Variants in PCTP observed in about 807,000 individuals in gnomAD.
The protein encoded by PCTP is phosphatidylcholine transfer protein.
Under a neutral mutation model 31.0 loss-of-function variants are expected in PCTP, and 27 were observed. That is an observed-to-expected ratio of 0.87 (90% CI 0.64 to 1.20). PCTP has a LOEUF of 1.20. Ranked by LOEUF, PCTP falls within the 50% of genes most tolerant of loss-of-function variation. The pLI is 0.00. For missense variants in PCTP, 287 were observed against 268.2 expected (o/e 1.07, Z -0.49); for synonymous variants, 108 against 101.2 (o/e 1.07, Z -0.40).
intron 5 of PCTP, among the ~76,000 whole-genome samples, chr17:55,838,261 A>G (rs946917641): frequency 6.6e-6 from 1 of 152,180 alleles, no homozygotes; most frequent in African/African-American, 2.4e-5. Context: ...TGCAAGCCCT[A>G]TTCAGTGCCT....
the PCTP span, among the ~76,000 whole-genome samples, chr17:55,851,134 T>C: frequency 6.6e-6 from 1 of 152,218 alleles, no homozygotes; most frequent in Non-Finnish European, 1.5e-5. Flanking sequence ...GAAGGAGCTC[T>C]GGCCATTGAT....
At position 55,776,240 on chromosome 17, in the gene PCTP, C is replaced by T; in HGVS notation, c.*140C>T. On this transcript the variant is annotated 3_prime_UTR_variant, in exon 6 of 6. Transcript: ENST00000268896. Reference sequence around the variant, plus strand: ...CCCACCACTGTTCAGCCTTCCCCTGCTGTTTCTGTCTTCAGAGGCCTACAC... The same window carrying T: ...CCCACCACTGTTCAGCCTTCCCCTGTTGTTTCTGTCTTCAGAGGCCTACAC... The T allele has an allele frequency of 6.9e-7, 1 of 1,456,120 alleles. No individual in the cohort carries two copies. Among genetic ancestry groups the T allele is most frequent in the Non-Finnish European group, 9.0e-7 (1 of 1,105,134 alleles). 90.2% of individuals were successfully genotyped at this position (1,456,120 alleles called of 1,614,324 possible). A position where few individuals can be genotyped will look rare whatever the true frequency, so the allele number is the denominator to read the frequency against.
At chr17:55,812,313 A>T (rs562997931) in intron 3 of PCTP, among the ~76,000 whole-genome samples, 1 of 152,322 alleles carries the variant, frequency 6.6e-6, no homozygotes, top group Admixed American at 6.5e-5. Context: ...GCATCACTTC[A>T]TTTTACCCTC....
At chr17:55,804,851 T>TA (rs1912525812) in intron 3 of PCTP, among the ~76,000 whole-genome samples, 1 of 152,086 alleles carries the variant, frequency 6.6e-6, no homozygotes, top group South Asian at 2.1e-4. Flanking sequence ...TCCCAGAACT[T>TA]AAAATTTAAT....
At chr17:55,765,427 A>G (rs1910584449) in intron 1 of PCTP, among the ~76,000 whole-genome samples, 1 of 152,156 alleles carries the variant, frequency 6.6e-6, no homozygotes, top group African/African-American at 2.4e-5. Context: ...AACTTGGGTT[A>G]TGAAAGTTAT....
chr17:55,793,051 C>T (rs1388723750), intron 3 of PCTP, among the ~76,000 whole-genome samples: 1 of 152,076 alleles, frequency 6.6e-6, no homozygotes, highest in Non-Finnish European at 1.5e-5. Flanking sequence ...TGCAGATCAC[C>T]TATTTTAGAA....
chr17:55,777,224 T>C lies in PCTP; in HGVS notation c.*1124T>C. On this transcript the variant is annotated 3_prime_UTR_variant, in exon 6 of 6. Transcript: ENST00000268896. The stretch of plus-strand genomic sequence containing the variant: ...TCTCAGGGAAAAATTTTAATCACTG[T>C]GTATAATGATACTGAACCTTGATTA... 1 of 985,362 alleles carries C rather than the reference T, an allele frequency of 1.0e-6. No individual in the cohort carries two copies. Among genetic ancestry groups the C allele is most frequent in the South Asian group, 4.7e-5 (1 of 21,210 alleles). The allele number at this position is 985,362 out of a possible 1,614,324, so 61.0% of individuals were successfully genotyped here.
chr17:55,848,063 C>T, the PCTP span, among the ~76,000 whole-genome samples: 1 of 152,112 alleles, frequency 6.6e-6, no homozygotes, highest in Admixed American at 6.5e-5. Flanking sequence ...GCTGGGACTA[C>T]AGGTGCATGC....
rs1486456036 is a variant in PCTP, at chr17:55,805,184, A to G, written c.317+17530A>G. Among the ~76,000 whole-genome samples the G allele has an allele frequency of 4.6e-5, 7 of 152,174 alleles. No individual in the cohort carries two copies. In the East Asian group the frequency reaches 1.3e-3, roughly 29 times the overall value. On this transcript the variant is annotated intron_variant, in intron 3 of 3. Transcript: ENST00000572536. ...AAACAGAAGTATACATCTCCTCATT[A>G]TCAAACTATTTTCCTCGTTTCTTTT... is the stretch of plus-strand genomic sequence containing the variant.
downstream of PCTP, among the ~76,000 whole-genome samples, chr17:55,826,021 G>A (rs1905383891): frequency 6.6e-6 from 1 of 152,204 alleles, no homozygotes; most frequent in African/African-American, 2.4e-5. Flanking sequence ...CAGTGTGAAA[G>A]ATGAGAAAAT....
intron 3 of PCTP, among the ~76,000 whole-genome samples, chr17:55,811,134 C>T (rs1365611228): frequency 6.6e-6 from 1 of 152,172 alleles, no homozygotes; most frequent in African/African-American, 2.4e-5. Flanking sequence ...GCCACTCAGA[C>T]TATAGGAATC....
intron 4 of PCTP, among the ~76,000 whole-genome samples, chr17:55,774,555 G>T (rs990559885): frequency 2.0e-5 from 3 of 152,178 alleles, no homozygotes; most frequent in Admixed American, 6.5e-5. Context: ...CAAGTGTCCA[G>T]CACTTGCCAG....
At chr17:55,822,623 G>C in intron 3 of PCTP, 1 of 401,370 alleles carries the variant, frequency 2.5e-6, no homozygotes, top group Non-Finnish European at 4.3e-6. Context: ...TCTATTCCTC[G>C]TGATCCAGAG....
At chr17:55,756,739 GTGTA>G (rs1311385357) in intron 1 of PCTP, among the ~76,000 whole-genome samples, 71 of 115,720 alleles carry the variant, frequency 6.1e-4, no homozygotes, top group African/African-American at 1.4e-3. Context: ...GTGTGTGTGT[GTGTA>G]TATATGTATA....
intron 4 of PCTP, 101 bp from the exon 5 acceptor site, chr17:55,774,691 T>A: frequency 1.0e-6 from 1 of 962,442 alleles, no homozygotes. Flanking sequence ...CCTCTGCAGT[T>A]TCTGAGCTTG....
chr17:55,768,321 T>G (rs1364465059), intron 2 of PCTP, among the ~76,000 whole-genome samples: 1 of 152,060 alleles, frequency 6.6e-6, no homozygotes, highest in Non-Finnish European at 1.5e-5. Context: ...GATCCTCCCA[T>G]GTATCTAGGT....
chr17:55,761,174 A>T (rs1910321645), intron 1 of PCTP, among the ~76,000 whole-genome samples: 1 of 152,194 alleles, frequency 6.6e-6, no homozygotes, highest in Admixed American at 6.5e-5. Context: ...AAAGGTAGAG[A>T]TAACACCAAC....
At chr17:55,814,992 G>T (rs772199764) in intron 3 of PCTP, among the ~76,000 whole-genome samples, 23 of 152,096 alleles carry the variant, frequency 1.5e-4, no homozygotes, top group Non-Finnish European at 2.8e-4. Flanking sequence ...AAAAATTGTG[G>T]CAGATCCTCA....
At chr17:55,842,259 C>T (rs1027315141) in intron 5 of PCTP, among the ~76,000 whole-genome samples, 1 of 152,092 alleles carries the variant, frequency 6.6e-6, no homozygotes, top group African/African-American at 2.4e-5. Flanking sequence ...ATAAGAGGGT[C>T]AGGAAAGTCT....
Sources: gnomAD v4.1 joint callset for allele counts (sites outside exome capture counted in the v4.1 genomes callset) on GRCh38, gnomAD v4.1.1 for gene constraint, MANE v1.5 for transcripts, NCBI Gene and HGNC (gene_info 2026-07-23, HGNC 2026-07-21) for gene names.